Variants in RFPL2 observed in about 807,000 individuals in gnomAD.
RFPL2 encodes the protein ret finger protein-like 2.
In RFPL2, 13 loss-of-function variants were observed where a neutral mutation model predicts 17.8. The observed-to-expected ratio is 0.73, with a 90% CI of 0.47 to 1.16. The LOEUF is 1.16. RFPL2 is among the 50% of genes most tolerant of loss of function. The pLI, the probability that RFPL2 is intolerant of heterozygous loss-of-function variation, is 0.00. For synonymous variants in RFPL2, 189 were observed against 180.9 expected (o/e 1.04, Z -0.36); for missense variants, 431 against 479.3 (o/e 0.90, Z 0.94).
intron 2 of RFPL2, among the ~76,000 whole-genome samples, chr22:32,194,724 C>A (rs538050359): frequency 1.3e-5 from 2 of 152,276 alleles, no homozygotes; most frequent in Admixed American, 6.5e-5. Flanking sequence ...AGGCTTCAAG[C>A]TTTGCTTGGA....
Position 32,194,432 on chromosome 22 carries a change from T to G in RFPL2, c.178A>C (p.Asn60His). The change falls in exon 3 of 5, where the codon AAT becomes CAT. Residue 60 changes from asparagine to histidine, a missense_variant. Coordinates refer to ENST00000652607, the MANE Select transcript of RFPL2 (RefSeq NM_001394555.1). ...RDPVGGGNLT[N>H]KRPSCAPSPQ... is the part of the protein sequence containing the mutation. The stretch of plus-strand genomic sequence containing the variant: ...GAAGGGGCACACGAGGGCCTTTTAT[T>G]GGTGAGATTCCCACCTCCCACTGGG... The G allele has an allele frequency of 3.7e-6, 6 of 1,611,614 alleles. No homozygotes were observed. Among genetic ancestry groups the G allele is most frequent in the Non-Finnish European group, 5.1e-6 (6 of 1,179,378 alleles).
At chr22:32,201,326 C>T (rs1923899732) in intron 2 of RFPL2, among the ~76,000 whole-genome samples, 1 of 152,220 alleles carries the variant, frequency 6.6e-6, no homozygotes, top group Non-Finnish European at 1.5e-5. Flanking sequence ...GTGTGAGCCA[C>T]TGTGCCTGAC....
intron 1 of RFPL2, 78 bp from the exon 2 acceptor site, chr22:32,202,628 C>A: frequency 7.0e-7 from 1 of 1,422,986 alleles, no homozygotes; most frequent in Non-Finnish European, 9.2e-7. Flanking sequence ...CCGGTTTCAG[C>A]GAAGGTACTC....
At chr22:32,191,402 A>G in intron 4 of RFPL2, 50 bp from the exon 5 acceptor site, 2 of 1,555,096 alleles carry the variant, frequency 1.3e-6, no homozygotes, top group Non-Finnish European at 8.7e-7. Flanking sequence ...AACCAACCCT[A>G]TGCCTCTCTT....
chr22:32,201,009 C>T (rs1245028663), intron 2 of RFPL2, among the ~76,000 whole-genome samples: 2 of 150,338 alleles, frequency 1.3e-5, no homozygotes, highest in Non-Finnish European at 2.9e-5. Context: ...GGAAACAGTG[C>T]AAGGAGGGTA....
At chr22:32,203,705 A>G (rs1011296545) in intron 1 of RFPL2, among the ~76,000 whole-genome samples, 2 of 133,808 alleles carry the variant, frequency 1.5e-5, no homozygotes, top group African/African-American at 6.6e-5. Flanking sequence ...GCCTCGGATA[A>G]CACACCCAAC....
intron 2 of RFPL2, among the ~76,000 whole-genome samples, chr22:32,195,522 C>T (rs1001521163): frequency 1.3e-4 from 20 of 151,912 alleles, no homozygotes; most frequent in African/African-American, 4.3e-4. Context: ...GTGGCACAAA[C>T]TTGGCCCACT....
intron 2 of RFPL2, among the ~76,000 whole-genome samples, chr22:32,201,162 T>C (rs995534239): frequency 6.6e-6 from 1 of 151,240 alleles, no homozygotes; most frequent in African/African-American, 2.4e-5. Context: ...CTCAGCCTCC[T>C]GAGTAGCTGG....
chr22:32,198,393 G>C (rs1447288460), intron 2 of RFPL2, among the ~76,000 whole-genome samples: 1 of 151,948 alleles, frequency 6.6e-6, no homozygotes, highest in East Asian at 1.9e-4. Context: ...GCTTGAGAAG[G>C]GCAGGCAGGT....
chr22:32,191,150 C>G lies in RFPL2; in HGVS notation c.759G>C (p.Trp253Cys). Residue 253 changes from tryptophan to cysteine, a missense_variant, in exon 5 of 5, where the codon TGG becomes TGC. Physicochemically the swap from Trp to Cys is radical, Grantham distance 215. Transcript: ENST00000652607. The stretch of plus-strand genomic sequence containing the variant: ...CAGATTCTCTGCAGACTCCCAGGTC[C>G]CATTCTGTGCTTGTTCCCACGTCCA... ...WEVDVGTSTE[W>C]DLGVCRESVH... is the part of the protein sequence containing the mutation. 1 of 1,613,934 alleles carries G rather than the reference C, an allele frequency of 6.2e-7. No individual in the cohort carries two copies. Among genetic ancestry groups the G allele is most frequent in the Non-Finnish European group, 8.5e-7 (1 of 1,179,872 alleles).
intron 1 of RFPL2, chr22:32,203,182 G>A: frequency 1.3e-6 from 1 of 778,014 alleles, no homozygotes; most frequent in Non-Finnish European, 1.6e-6. Flanking sequence ...CTGGCAGCCT[G>A]CCCCCTGCCA....
Position 32,191,358 on chromosome 22 carries a change from A to T in RFPL2, c.557-6T>A. The T allele has an allele frequency of 1.2e-6, 2 of 1,600,338 alleles. No individual in the cohort carries two copies. The highest frequency in any genetic ancestry group is 1.7e-6 in the Non-Finnish European group (2 of 1,171,136). ...GGCATCCAAGGTCATATCCACTGTG[A>T]AAAGGAAAAAAAGTTGCTCAGCAAA... is the stretch of plus-strand genomic sequence containing the variant. On this transcript the variant is annotated splice_region_variant and splice_polypyrimidine_tract_variant and intron_variant, in intron 4 of 4. Coordinates refer to ENST00000652607, the MANE Select transcript of RFPL2 (RefSeq NM_001394555.1).
At chr22:32,202,228 A>G (rs1923991836) in intron 2 of RFPL2, 105 bp downstream of exon 2, 8 of 1,400,830 alleles carry the variant, frequency 5.7e-6, no homozygotes, top group Non-Finnish European at 7.8e-6. Flanking sequence ...CTCTCCCTCC[A>G]TCCCCACATC....
intron 2 of RFPL2, among the ~76,000 whole-genome samples, chr22:32,196,045 C>A (rs1169302898): frequency 4.6e-5 from 7 of 152,148 alleles, no homozygotes; most frequent in Admixed American, 4.6e-4. Flanking sequence ...CCTCTATACC[C>A]ACAATTCTAT....
At chr22:32,194,084 T>G (rs1923049455) in intron 3 of RFPL2, among the ~76,000 whole-genome samples, 1 of 146,198 alleles carries the variant, frequency 6.8e-6, no homozygotes, top group Admixed American at 6.8e-5. Context: ...TTAAGACCCG[T>G]CTCACCAAAA....
At chr22:32,195,832 G>C (rs1226927072) in intron 2 of RFPL2, among the ~76,000 whole-genome samples, 1 of 152,044 alleles carries the variant, frequency 6.6e-6, no homozygotes, top group Non-Finnish European at 1.5e-5. Flanking sequence ...TCATGTATAA[G>C]TGACCATATT....
chr22:32,195,087 C>T (rs1448298693), intron 2 of RFPL2, among the ~76,000 whole-genome samples: 1 of 152,188 alleles, frequency 6.6e-6, no homozygotes, highest in African/African-American at 2.4e-5. Flanking sequence ...CCATTTGAAT[C>T]AACCCCGAAT....
intron 4 of RFPL2, among the ~76,000 whole-genome samples, chr22:32,192,359 A>G (rs1470250129): frequency 1.3e-5 from 2 of 152,202 alleles, no homozygotes; most frequent in Non-Finnish European, 2.9e-5. Context: ...CGCATGGATG[A>G]GGAGAACACT....
At chr22:32,194,540 C>A (rs777049164) in intron 2 of RFPL2, 50 bp from the exon 3 acceptor site, 1 of 1,526,832 alleles carries the variant, frequency 6.5e-7, no homozygotes, top group Non-Finnish European at 9.0e-7. Flanking sequence ...TGATATATCT[C>A]CAGTTAATTA....
Sources: gnomAD v4.1 joint callset for allele counts (sites outside exome capture counted in the v4.1 genomes callset) on GRCh38, gnomAD v4.1.1 for gene constraint, MANE v1.5 for transcripts, NCBI Gene and HGNC (gene_info 2026-07-23, HGNC 2026-07-21) for gene names.